Variants in PES1 observed in about 807,000 individuals in gnomAD.
PES1 encodes pescadillo homolog.
PES1 carries 31 observed loss-of-function variants against 77.1 expected under a neutral mutation model. The observed-to-expected ratio is 0.40, with a 90% CI of 0.30 to 0.54. PES1 has a LOEUF of 0.54. PES1 is among the 20% of genes least tolerant of loss of function. The probability of loss-of-function intolerance (pLI) is 0.45; values close to 1 mark genes in which losing one functional copy is unlikely to be tolerated. For synonymous variants in PES1, 282 were observed against 303.0 expected (o/e 0.93, Z 0.72); for missense variants, 658 against 771.7 (o/e 0.85, Z 1.75).
At chr22:30,585,374 T>C in intron 4 of PES1, 1 of 470,866 alleles carries the variant, frequency 2.1e-6, no homozygotes, top group Non-Finnish European at 4.4e-6. Context: ...GGCTGCCCTG[T>C]TGAGGGACAG....
chr22:30,586,063 T>G (rs1034529712), intron 4 of PES1, among the ~76,000 whole-genome samples: 4 of 152,228 alleles, frequency 2.6e-5, no homozygotes, highest in African/African-American at 9.6e-5. Context: ...CTGGGCCAAC[T>G]GCTTTTCTTT....
chr22:30,580,056 C>A lies in PES1; in HGVS notation c.1166G>T (p.Gly389Val). The stretch of plus-strand genomic sequence containing the variant: ...ACGAGGACCCTTGAGGGCCTACCTG[C>A]CAATGACTGAGGTCTGCTGCCCAGG... ...DRPGQQTSVI[G>V]RCYVQPQWVF... Residue 389 changes from glycine to valine, a missense_variant, in exon 11 of 15, where the codon GGC (glycine) becomes GTC (valine). Gly to Val is a moderately radical substitution (Grantham distance 109). Transcript: ENST00000354694. 1 of 1,613,746 alleles carries A rather than the reference C, an allele frequency of 6.2e-7. No individual in the cohort carries two copies. The highest frequency in any genetic ancestry group is 8.5e-7 in the Non-Finnish European group (1 of 1,179,800).
In PES1 at chr22:30,584,092, T is replaced by A. The variant is rs573103085; in HGVS notation, c.630+273A>T. On this transcript the variant is annotated intron_variant, in intron 6 of 14. Coordinates refer to ENST00000354694, the MANE Select transcript of PES1 (RefSeq NM_014303.4). ...CCCTAAAAGGCCAAGCACCAGGCAC[T>A]GTTAAGGGTGTAGACACTGTTAACT... 1.4e-5 allele frequency: 7 copies of A among 494,468 alleles called. No individual in the cohort carries two copies. The East Asian group carries it at 2.2e-4, about 16-fold the overall frequency. The allele number at this position is 494,468 out of a possible 1,614,324, so 30.6% of individuals were successfully genotyped here.
upstream of PES1, among the ~76,000 whole-genome samples, chr22:30,595,493 G>A (rs920885587): frequency 7.1e-6 from 1 of 141,194 alleles, no homozygotes; most frequent in Non-Finnish European, 1.5e-5. Flanking sequence ...AGCCAAGATT[G>A]CACCACTGCA....
At chr22:30,599,266 A>G (rs1461916071) in intron 2 of PES1, among the ~76,000 whole-genome samples, 3 of 150,020 alleles carry the variant, frequency 2.0e-5, no homozygotes, top group Non-Finnish European at 4.4e-5. Context: ...TGTCTTCAAA[A>G]TTGTTAACAT....
At chr22:30,604,423 A>G (rs1461629427) in intron 2 of PES1, among the ~76,000 whole-genome samples, 1 of 152,200 alleles carries the variant, frequency 6.6e-6, no homozygotes, top group Non-Finnish European at 1.5e-5. Context: ...ACTTGAGGTC[A>G]GGAGTCCGAG....
chr22:30,580,618 G>C lies in PES1; in HGVS notation c.996C>G (p.Phe332Leu), dbSNP rs1196615128. The C allele has an allele frequency of 6.2e-7, 1 of 1,613,824 alleles. No individual in the cohort carries two copies. Among genetic ancestry groups the C allele is most frequent in the South Asian group, 1.1e-5 (1 of 91,078 alleles). The change falls in exon 10 of 15, where the codon TTC (phenylalanine) becomes TTG (leucine). Residue 332 changes from phenylalanine to leucine, a missense_variant. Transcript: ENST00000354694. ...CACGGGGCACCTCTCGGTTCAGGAA[G>C]AACTTCAGGCCCTCAAAAAGCTTCT... The part of the protein sequence containing the change: ...KHKKLFEGLK[F>L]FLNREVPREA...
intron 2 of PES1, among the ~76,000 whole-genome samples, chr22:30,597,976 C>T (rs1156753583): frequency 3.4e-5 from 5 of 147,570 alleles, no homozygotes; most frequent in Non-Finnish European, 5.9e-5. Flanking sequence ...CTCCGCTTCC[C>T]GGGTTCACGC....
rs114044302 is a variant in PES1, at chr22:30,585,139, G to A, written c.369-422C>T. 107 of 409,346 alleles carry A rather than the reference G, an allele frequency of 2.6e-4. 1 individual carries two copies. The highest frequency in any genetic ancestry group is 1.8e-3 in the African/African-American group (87 of 48,422). 25.4% of individuals were successfully genotyped at this position (409,346 alleles called of 1,614,324 possible). Reference sequence around the variant, plus strand: ...AAGCTGCCCTGGTGGAGCAGGGAGCGGGGTGGGGGCTGCTTCCCCTCAGCA... The same window carrying A: ...AAGCTGCCCTGGTGGAGCAGGGAGCAGGGTGGGGGCTGCTTCCCCTCAGCA... On this transcript the variant is annotated intron_variant, in intron 4 of 14. Transcript: ENST00000354694.
rs1023068802 is a variant in PES1 at position 30,586,260 on chromosome 22, T to C, written c.368+1026A>G. On this transcript the variant is annotated intron_variant, in intron 4 of 14. Coordinates refer to ENST00000354694, the MANE Select transcript of PES1 (RefSeq NM_014303.4). ...GAACTACCATCATCTCTTCTGAAGA[T>C]GGGGACCTGCTCGGGCTAGGAAATA... is the stretch of plus-strand genomic sequence containing the variant. Among the ~76,000 whole-genome samples, 22 of 152,196 alleles carry C rather than the reference T, an allele frequency of 1.4e-4. 4 individuals are homozygous for C. The highest frequency in any genetic ancestry group is 1.3e-3 in the Admixed American group (20 of 15,274).
intron 2 of PES1, among the ~76,000 whole-genome samples, chr22:30,597,870 A>G (rs576030621): frequency 4.1e-4 from 59 of 145,270 alleles, no homozygotes; most frequent in South Asian, 1.9e-3. Flanking sequence ...TTTTCCACGC[A>G]GTTGAAGTTT....
intron 6 of PES1, among the ~76,000 whole-genome samples, chr22:30,583,197 G>A (rs2087013173): frequency 6.6e-6 from 1 of 152,192 alleles, no homozygotes; most frequent in Non-Finnish European, 1.5e-5. Context: ...GGGAAGGGAA[G>A]AAGGAAGGGC....
upstream of PES1, among the ~76,000 whole-genome samples, chr22:30,596,055 G>A (rs1446602934): frequency 6.6e-6 from 1 of 152,134 alleles, no homozygotes; most frequent in Non-Finnish European, 1.5e-5. Context: ...ATTATAGCCC[G>A]TTTTTGTGCA....
chr22:30,577,662 T>C (rs1257511621), intron 14 of PES1, among the ~76,000 whole-genome samples: 3 of 148,264 alleles, frequency 2.0e-5, no homozygotes, highest in Non-Finnish European at 3.0e-5. Flanking sequence ...AGCCCTTTCT[T>C]TTTTTTTTTG....
rs560088783 is a variant in PES1 at position 30,585,899 on chromosome 22, G to A, written c.369-1182C>T. Among the ~76,000 whole-genome samples, 203 of 152,306 alleles carry A rather than the reference G, an allele frequency of 1.3e-3. 4 individuals are homozygous for A. Among genetic ancestry groups the A allele is most frequent in the Admixed American group, 7.9e-3 (121 of 15,292 alleles). On this transcript the variant is annotated intron_variant, in intron 4 of 14. Coordinates refer to ENST00000354694, the MANE Select transcript of PES1 (RefSeq NM_014303.4). ...CCAAGATGCAAGAAAGGCCTGCAGA[G>A]ACCTCTGATGAGGCAGCAGAACAGC...
At chr22:30,588,214 TA>T in intron 2 of PES1, 40 bp from the exon 3 acceptor site, 1 of 1,613,056 alleles carries the variant, frequency 6.2e-7, no homozygotes, top group Non-Finnish European at 8.5e-7. Flanking sequence ...GTTATGTGGG[TA>T]AAGGTGGGGA....
At position 30,580,578 on chromosome 22, in the gene PES1, T is replaced by C. The variant is rs758058052; in HGVS notation, c.1036A>G (p.Ile346Val). The C allele has an allele frequency of 5.6e-6, 9 of 1,613,782 alleles. No homozygotes were observed. In the South Asian group the frequency reaches 7.7e-5, roughly 14 times the overall value. ...GCCCTTGAGCCTCCCTACCTGATGATGAAGGCCAGGGCCTCACGGGGCACC... is the reference window on the plus strand; with the variant it reads ...GCCCTTGAGCCTCCCTACCTGATGACGAAGGCCAGGGCCTCACGGGGCACC... Reference protein sequence around the residue: ...REVPREALAFIIRSFGGEVSW... With the variant: ...REVPREALAFVIRSFGGEVSW... Residue 346 changes from isoleucine (I) to valine (V), a missense_variant, in exon 10 of 15, where the codon ATC becomes GTC. Transcript: ENST00000354694.
chr22:30,581,023 G>A lies in PES1; in HGVS notation c.901C>T (p.Pro301Ser). ...AGTGCAGTGCTCACCCCATCGGTGG[G>A]AAACTCATCCACCTCGGCCTCCTCC... ...TEEEAEVDEF[P>S]TDGEMSAQEE... Residue 301 changes from proline to serine, a missense_variant, in exon 9 of 15, where the codon CCC (proline) becomes TCC (serine). Pro to Ser is a moderately conservative substitution (Grantham distance 74). Transcript: ENST00000354694. 1.2e-6 allele frequency: 2 copies of A among 1,612,460 alleles called. No homozygotes were observed. Among genetic ancestry groups the A allele is most frequent in the South Asian group, 1.1e-5 (1 of 90,962 alleles).
chr22:30,600,808 C>G (rs1017771163), intron 2 of PES1, among the ~76,000 whole-genome samples: 1 of 152,148 alleles, frequency 6.6e-6, no homozygotes, highest in Non-Finnish European at 1.5e-5. Flanking sequence ...GAGCGCGAGA[C>G]TCCATCTCAA....
Sources: gnomAD v4.1 joint callset for allele counts (sites outside exome capture counted in the v4.1 genomes callset) on GRCh38, gnomAD v4.1.1 for gene constraint, MANE v1.5 for transcripts, NCBI Gene and HGNC (gene_info 2026-07-23, HGNC 2026-07-21) for gene names.